PBXIP1: variants seen among roughly 807,000 people sequenced by gnomAD.
PBXIP1 encodes the protein pre-B-cell leukemia transcription factor-interacting protein 1.
A neutral mutation model predicts 73.7 loss-of-function variants in PBXIP1; 73 were observed. The ratio of observed to expected loss-of-function variants is 0.99; its 90% CI spans 0.82 to 1.20. PBXIP1 has a LOEUF of 1.20. Among genes scored for constraint, PBXIP1 ranks in the 50% most tolerant of loss-of-function variants. The pLI is 0.00. For missense variants in PBXIP1, 818 were observed against 911.4 expected, an observed-to-expected ratio of 0.90 and a Z score of 1.32; for synonymous variants, 330 against 366.9, an observed-to-expected ratio of 0.90 and a Z score of 1.15.
rs758527006 is a variant in PBXIP1 at position 154,953,673 on chromosome 1, CG to C, written c.48del (p.Glu17ArgfsTer36). ...GTTCCCAGGCCCGCTCTTCCTACCTCGGAGCCAGCAAGCACCCAGCTATTAT... is the reference window on the plus strand; with the variant it reads ...GTTCCCAGGCCCGCTCTTCCTACCTCGAGCCAGCAAGCACCCAGCTATTAT... Reference protein sequence around the residue: ...DSDNSWVLAGSESLPVETLGP... With the variant: ...DSDNSWVLAGXESLPVETLGP... On this transcript the variant is annotated frameshift_variant, in exon 2 of 11. Coordinates refer to ENST00000368463, the MANE Select transcript of PBXIP1 (RefSeq NM_020524.4). LOFTEE classifies it high-confidence loss of function. The C allele has an allele frequency of 5.6e-6, 9 of 1,610,776 alleles. No homozygotes were observed. In the East Asian group the frequency reaches 2.0e-4, roughly 36 times the overall value.
rs1053970489 is a variant in PBXIP1 at position 154,944,837 on chromosome 1, C to T, written c.*187G>A. 2.3e-5 allele frequency: 13 copies of T among 567,190 alleles called. No homozygotes were observed. The Middle Eastern group carries it at 1.9e-3, about 83-fold the overall frequency. The allele number at this position is 567,190 out of a possible 1,614,324, so 35.1% of individuals were successfully genotyped here. On this transcript the variant is annotated 3_prime_UTR_variant, in exon 11 of 11. Transcript: ENST00000368463. ...TTGCATGCATTTGCATAGACGGCAACGCAGGTCCAGCTAAGGCCTTTTTCT... is the reference window on the plus strand; with the variant it reads ...TTGCATGCATTTGCATAGACGGCAATGCAGGTCCAGCTAAGGCCTTTTTCT...
rs1654779501 is a variant in PBXIP1 at position 154,945,660 on chromosome 1, C to A, written c.2014G>T (p.Val672Leu). 1 of 1,614,098 alleles carries A rather than the reference C, an allele frequency of 6.2e-7. No individual in the cohort carries two copies. The highest frequency in any genetic ancestry group is 1.3e-5 in the African/African-American group (1 of 74,940). Residue 672 changes from valine (V) to leucine (L), a missense_variant, in exon 10 of 11, where the codon GTG (valine) becomes TTG (leucine). By Grantham distance (32) the Val-to-Leu change is conservative. Transcript: ENST00000368463. ...ALEDSLEEVAVQQTGDDDEVD... is the reference protein window; with the variant it reads ...ALEDSLEEVALQQTGDDDEVD... ...TCATCATCATCACCTGTCTGTTGCA[C>A]AGCCACCTCCTCCAAGCTGTCCTCC...
intron 5 of PBXIP1, among the ~76,000 whole-genome samples, chr1:154,949,508 C>T (rs1654941281): frequency 6.6e-6 from 1 of 152,116 alleles, no homozygotes; most frequent in African/African-American, 2.4e-5. Context: ...CAAATTCCAT[C>T]CTGAGCCTCG....
intron 2 of PBXIP1, among the ~76,000 whole-genome samples, 196 bp from the exon 3 acceptor site, chr1:154,952,117 C>T (rs1655024645): frequency 6.6e-6 from 1 of 152,220 alleles, no homozygotes; most frequent in Non-Finnish European, 1.5e-5. Flanking sequence ...AGCGCCGCAC[C>T]ACCAGACCAA....
rs75218603 is a variant in PBXIP1, at chr1:154,952,540, T to C, written c.52-619A>G. Among the ~76,000 whole-genome samples, 1,207 of 152,226 alleles carry C rather than the reference T, an allele frequency of 7.9e-3. 16 individuals carry two copies. The highest frequency in any genetic ancestry group is 0.027 in the African/African-American group (1,123 of 41,536). On this transcript the variant is annotated intron_variant, in intron 2 of 10. Transcript: ENST00000368463. The stretch of plus-strand genomic sequence containing the variant: ...GCCTCGGCCTCCTCCCTCTGCCTAC[T>C]CCCCTTCCATAGGGCCCTGGCCTGC...
chr1:154,953,812 C>T, intron 1 of PBXIP1, 55 bp from the exon 2 acceptor site: 1 of 1,158,630 alleles, frequency 8.6e-7, no homozygotes, highest in Non-Finnish European at 1.3e-6. Flanking sequence ...GGGCAGAATG[C>T]AGAAAGCAGC....
Position 154,948,384 on chromosome 1 carries a change from G to A in PBXIP1, c.410-18C>T. The A allele has an allele frequency of 6.5e-7, 1 of 1,529,240 alleles. No individual in the cohort carries two copies. The highest frequency in any genetic ancestry group is 8.9e-7 in the Non-Finnish European group (1 of 1,124,210). The allele number at this position is 1,529,240 out of a possible 1,614,324, so 94.7% of individuals were successfully genotyped here. On this transcript the variant is annotated intron_variant, in intron 5 of 10. Coordinates refer to ENST00000368463, the MANE Select transcript of PBXIP1 (RefSeq NM_020524.4). ...GATCCAAGCTAGGGGAAAGGACAGG[G>A]ACAGGGCAGTGAGGTGACTGGAGAG...
rs1245059613 is a variant in PBXIP1 at position 154,955,682 on chromosome 1, A to ACTCC, written c.-37+383_-37+386dup. Reference sequence around the variant, plus strand: ...ACCTTCTGGAAGAAAACCCACCTCCACTCCCTCCCTCCACCCCCTTCTTTT... The same window carrying ACTCC: ...ACCTTCTGGAAGAAAACCCACCTCCACTCCCTCCCTCCCTCCACCCCCTTCTTTT... On this transcript the variant is annotated intron_variant, in intron 1 of 10. Transcript: ENST00000368463. 8.0e-5 allele frequency among the ~76,000 whole-genome samples: 12 copies of ACTCC among 149,990 alleles called. No homozygotes were observed. In the East Asian group the frequency reaches 1.4e-3, roughly 17 times the overall value.
rs746682560 is a variant in PBXIP1 at position 154,948,263 on chromosome 1, C to T, written c.513G>A (p.Gln171=). The T allele has an allele frequency of 3.1e-6, 5 of 1,611,828 alleles. No individual in the cohort carries two copies. The highest frequency in any genetic ancestry group is 4.2e-6 in the Non-Finnish European group (5 of 1,179,164). ...TCTCCACAGCCAGGGGCACCATGGG[C>T]TGAGGTGGGCCGGCCTCCCGGCCCC... is the stretch of plus-strand genomic sequence containing the variant. ...RRRGREAGPP[Q]PMVPLAVENQ... is the part of the protein sequence containing the mutation. Residue 171 remains glutamine (Q), a synonymous_variant, in exon 6 of 11, where the codon CAG becomes CAA. Transcript: ENST00000368463.
chr1:154,947,688 T>G lies in PBXIP1; in HGVS notation c.692A>C (p.Gln231Pro). 1.2e-6 allele frequency: 2 copies of G among 1,613,822 alleles called. No individual in the cohort carries two copies. The highest frequency in any genetic ancestry group is 1.7e-6 in the Non-Finnish European group (2 of 1,179,944). The change falls in exon 8 of 11, where the codon CAG (glutamine) becomes CCG (proline). Residue 231 changes from glutamine to proline, a missense_variant. By Grantham distance (76) the Gln-to-Pro change is moderately conservative (BLOSUM62 -1). Coordinates refer to ENST00000368463, the MANE Select transcript of PBXIP1 (RefSeq NM_020524.4). ...CAGCACCTCGGGGTCTGGGAGGACC[T>G]GCCGCTCCACTTCCTCCATGGGCCC... ...ETGPMEEVERQVLPDPEVLEA... is the reference protein window; with the variant it reads ...ETGPMEEVERPVLPDPEVLEA...
chr1:154,947,447 C>G lies in PBXIP1; in HGVS notation c.840G>C (p.Gln280His). 1 of 1,614,082 alleles carries G rather than the reference C, an allele frequency of 6.2e-7. No individual in the cohort carries two copies. The highest frequency in any genetic ancestry group is 8.5e-7 in the Non-Finnish European group (1 of 1,179,992). ...GCTGGGCCTGCAGCAGCCGGATGTC[C>G]TGGTTCTCCTTGGCCAGCTTGTCCA... ...LLLDKLAKENQDIRLLQAQLQ... is the reference protein window; with the variant it reads ...LLLDKLAKENHDIRLLQAQLQ... The change falls in exon 9 of 11, where the codon CAG becomes CAC. Residue 280 changes from glutamine (Q) to histidine (H), a missense_variant. Coordinates refer to ENST00000368463, the MANE Select transcript of PBXIP1 (RefSeq NM_020524.4).
chr1:154,953,635 C>T (rs1208028265), intron 2 of PBXIP1, 36 bp downstream of exon 2: 2 of 1,433,434 alleles, frequency 1.4e-6, no homozygotes, highest in Non-Finnish European at 2.0e-6. Flanking sequence ...CACCCCCCAA[C>T]CCCACCCCCA....
chr1:154,945,800 C>T lies in PBXIP1; in HGVS notation c.1874G>A (p.Arg625Gln), dbSNP rs778721320. Residue 625 changes from arginine to glutamine, a missense_variant, in exon 10 of 11, where the codon CGG becomes CAG. Arg to Gln is a conservative substitution (Grantham distance 43). Transcript: ENST00000368463. ...GGTCAGCTGCCCAGCCCAGGGCAGCCGTGCCAAGTATGTTCTTAGCAGAGA... is the reference window on the plus strand; with the variant it reads ...GGTCAGCTGCCCAGCCCAGGGCAGCTGTGCCAAGTATGTTCTTAGCAGAGA... ...LASLLRTYLA[R>Q]LPWAGQLTKE... 2 of 1,614,170 alleles carry T rather than the reference C, an allele frequency of 1.2e-6. No individual in the cohort carries two copies. Among genetic ancestry groups the T allele is most frequent in the African/African-American group, 1.3e-5 (1 of 75,054 alleles).
chr1:154,947,557 A>T lies in PBXIP1; in HGVS notation c.739-9T>A. On this transcript the variant is annotated splice_polypyrimidine_tract_variant and intron_variant, in intron 8 of 10. Transcript: ENST00000368463. ...TGTTCCCTTAGCCCATCCTGAGGGCAGAAGAGCCTGTTATGCCATGCTACC... is the reference window on the plus strand; with the variant it reads ...TGTTCCCTTAGCCCATCCTGAGGGCTGAAGAGCCTGTTATGCCATGCTACC... The T allele has an allele frequency of 6.2e-7, 1 of 1,603,318 alleles. No individual in the cohort carries two copies. The highest frequency in any genetic ancestry group is 8.5e-7 in the Non-Finnish European group (1 of 1,173,236).
chr1:154,948,412 G>T lies in PBXIP1; in HGVS notation c.410-46C>A, dbSNP rs766296348. 3.7e-6 allele frequency: 5 copies of T among 1,352,126 alleles called. No homozygotes were observed. In the South Asian group the frequency reaches 5.2e-5, roughly 14 times the overall value. 83.8% of individuals were successfully genotyped at this position (1,352,126 alleles called of 1,614,324 possible). A position where few individuals can be genotyped will look rare whatever the true frequency, so the allele number is the denominator to read the frequency against. On this transcript the variant is annotated intron_variant, in intron 5 of 10. Transcript: ENST00000368463. ...AGGGCAGTGAGGTGACTGGAGAGAT[G>T]GGGAGACACAGGGAGAGAGGGGAAT...
At chr1:154,948,847 T>TTAGCA (rs1363955756) in intron 5 of PBXIP1, among the ~76,000 whole-genome samples, 1 of 152,152 alleles carries the variant, frequency 6.6e-6, no homozygotes, top group Non-Finnish European at 1.5e-5. Flanking sequence ...AATGAGTCCT[T>TTAGCA]AGTGTGTAAC....
intron 2 of PBXIP1, among the ~76,000 whole-genome samples, chr1:154,952,449 C>G (rs1372703548): frequency 6.6e-6 from 1 of 152,080 alleles, no homozygotes; most frequent in East Asian, 1.9e-4. Flanking sequence ...AAGCCCAACC[C>G]ACCCCAACCA....
chr1:154,955,940 C>T (rs1221479413), intron 1 of PBXIP1, 129 bp downstream of exon 1: 1 of 152,374 alleles, frequency 6.6e-6, no homozygotes, highest in Non-Finnish European at 1.5e-5. Flanking sequence ...AGCGTCGGCA[C>T]CTGGCCTTCC....
rs550880336 is a variant in PBXIP1 at position 154,951,395 on chromosome 1, G to A, written c.246C>T (p.Gly82=). The stretch of plus-strand genomic sequence containing the variant: ...CACCACAAACATCACCTTCCAGGGT[G>A]CCCTAATGCAGATGCAGCAGTGAGC... ...SILTEETEVK[G]TLEGDVCGVE... The change falls in exon 5 of 11, where the codon GGC becomes GGT. Residue 82 remains glycine, a splice_region_variant and synonymous_variant. Coordinates refer to ENST00000368463, the MANE Select transcript of PBXIP1 (RefSeq NM_020524.4). This position sits in a 1 kb window ranked among gnomAD's most constrained non-coding sequence, Gnocchi z 4.3. 6.2e-6 allele frequency: 10 copies of A among 1,614,086 alleles called. No homozygotes were observed. The highest frequency in any genetic ancestry group is 1.1e-5 in the South Asian group (1 of 91,082).
Sources: gnomAD v4.1 joint callset for allele counts (sites outside exome capture counted in the v4.1 genomes callset) on GRCh38, gnomAD v4.1.1 for gene constraint, Gnocchi (gnomAD v3.1) non-coding constraint, MANE v1.5 for transcripts, NCBI Gene and HGNC (gene_info 2026-07-23, HGNC 2026-07-21) for gene names.